Variants in SAMD12 observed in about 807,000 individuals in gnomAD.
SAMD12 encodes the protein sterile alpha motif domain containing 12, also known as sterile alpha motif domain-containing protein 12.
A neutral mutation model predicts 15.0 loss-of-function variants in SAMD12; 9 were observed. That is an observed-to-expected ratio of 0.60 (90% CI 0.36 to 1.05). SAMD12 has a LOEUF of 1.05. Ranked by LOEUF, SAMD12 falls within the 50% of genes least tolerant of loss-of-function variation. The pLI, the probability that SAMD12 is intolerant of heterozygous loss-of-function variation, is 0.01. For synonymous variants in SAMD12, 86 were observed against 90.1 expected (o/e 0.96, Z 0.25); for missense variants, 230 against 234.2 (o/e 0.98, Z 0.12).
chr8:118,558,877 T>G (rs570534677), intron 2 of SAMD12, among the ~76,000 whole-genome samples: 1 of 152,138 alleles, frequency 6.6e-6, no homozygotes, highest in Non-Finnish European at 1.5e-5. Context: ...TAAGACTTCA[T>G]GAAGAAGTGG....
At chr8:118,603,799 G>A (rs569524225) in intron 1 of SAMD12, among the ~76,000 whole-genome samples, 1 of 152,130 alleles carries the variant, frequency 6.6e-6, no homozygotes. Context: ...TTCTTTGGTG[G>A]GGGGAATTTC....
intron 1 of SAMD12, among the ~76,000 whole-genome samples, chr8:118,603,263 A>G (rs1827902782): frequency 6.6e-6 from 1 of 152,212 alleles, no homozygotes; most frequent in Non-Finnish European, 1.5e-5. Context: ...ATGCATTTCC[A>G]TTCAGTAACA....
downstream of SAMD12, among the ~76,000 whole-genome samples, chr8:118,373,931 G>T (rs1819242814): frequency 6.6e-6 from 1 of 152,000 alleles, no homozygotes; most frequent in South Asian, 2.1e-4. Flanking sequence ...GATTTCAAAA[G>T]CTTGCATTTT....
intron 2 of SAMD12, among the ~76,000 whole-genome samples, chr8:118,553,647 A>G (rs1478855234): frequency 3.3e-5 from 5 of 150,318 alleles, no homozygotes; most frequent in Non-Finnish European, 7.5e-5. Context: ...CTAAAACACC[A>G]AAAGCAATGG....
chr8:118,501,337 G>A (rs888271536), intron 2 of SAMD12, among the ~76,000 whole-genome samples: 1 of 152,070 alleles, frequency 6.6e-6, no homozygotes, highest in Admixed American at 6.6e-5. Context: ...CTTACCACAG[G>A]AAATAAGTCT....
the SAMD12 span, among the ~76,000 whole-genome samples, chr8:118,142,852 G>A: frequency 6.6e-6 from 1 of 152,176 alleles, no homozygotes; most frequent in Non-Finnish European, 1.5e-5. Flanking sequence ...ATGGCGGTGA[G>A]GAAGAAGAGT....
intron 4 of SAMD12, among the ~76,000 whole-genome samples, chr8:118,262,567 T>C (rs559113693): frequency 2.0e-5 from 3 of 152,204 alleles, no homozygotes; most frequent in South Asian, 2.1e-4. Context: ...CGAGCAATTC[T>C]TCAGTTAACA....
intron 3 of SAMD12, among the ~76,000 whole-genome samples, chr8:118,391,815 T>A (rs1563822153): frequency 6.6e-6 from 1 of 152,114 alleles, no homozygotes; most frequent in Non-Finnish European, 1.5e-5. Flanking sequence ...TTTGCCTTCA[T>A]GGAGCTTAAA....
intron 3 of SAMD12, among the ~76,000 whole-genome samples, chr8:118,435,102 C>T (rs1346785261): frequency 1.7e-5 from 2 of 120,216 alleles, no homozygotes; most frequent in African/African-American, 3.5e-5. Flanking sequence ...GACTCCATCT[C>T]AAAAAAAAAA....
chr8:118,335,792 A>C (rs1227367212), intron 4 of SAMD12, among the ~76,000 whole-genome samples: 1 of 152,146 alleles, frequency 6.6e-6, no homozygotes, highest in Non-Finnish European at 1.5e-5. Flanking sequence ...CCCAGGCTAG[A>C]GTGCAGTGGC....
At position 118,379,046 on chromosome 8, in the gene SAMD12, T is replaced by C; in HGVS notation, c.*371A>G. The C allele has an allele frequency of 3.9e-6, 4 of 1,035,248 alleles. No individual in the cohort carries two copies. Among genetic ancestry groups the C allele is most frequent in the Non-Finnish European group, 4.7e-6 (4 of 857,862 alleles). The allele number at this position is 1,035,248 out of a possible 1,614,324, so 64.1% of individuals were successfully genotyped here. On this transcript the variant is annotated 3_prime_UTR_variant, in exon 4 of 4. Transcript: ENST00000314727. The stretch of plus-strand genomic sequence containing the variant: ...ATACATTCATGTATAGTAATACATA[T>C]CTAAAATGTTTTTCTCCCACTAACC...
rs1486240476 is a variant in SAMD12, at chr8:118,379,297, A to G, written c.*120T>C. ...TCTGGGGTTGTGCAGTACACAATCC[A>G]TACAACTGTACGTGACCACCTTGAA... On this transcript the variant is annotated 3_prime_UTR_variant, in exon 4 of 4. Transcript: ENST00000314727. The G allele has an allele frequency of 1.2e-5, 18 of 1,471,448 alleles. No homozygotes were observed. Among genetic ancestry groups the G allele is most frequent in the Non-Finnish European group, 1.5e-5 (17 of 1,115,726 alleles). 91.1% of individuals were successfully genotyped at this position (1,471,448 alleles called of 1,614,324 possible). A position where few individuals can be genotyped will look rare whatever the true frequency, so the allele number is the denominator to read the frequency against.
At position 118,512,230 on chromosome 8, in the gene SAMD12, T is replaced by C. The variant is rs137889138; in HGVS notation, c.192+68485A>G. On this transcript the variant is annotated intron_variant, in intron 2 of 3. Transcript: ENST00000314727. ...CTTCCAGGAAAGAGACATTTTTCTA[T>C]TGAATTTGTGGCTGGGGACTGCCAT... Among the ~76,000 whole-genome samples the C allele has an allele frequency of 5.6e-3, 850 of 152,278 alleles. 7 individuals carry two copies. The highest frequency in any genetic ancestry group is 0.018 in the African/African-American group (765 of 41,542).
rs1484626911 is a variant in SAMD12 at position 118,522,149 on chromosome 8, T to C, written c.192+58566A>G. 1.0e-4 allele frequency among the ~76,000 whole-genome samples: 15 copies of C among 147,118 alleles called. No homozygotes were observed. The Admixed American group carries it at 1.0e-3, about 10-fold the overall frequency. ...AGTGGTGACAGTTAACAACTACTGA[T>C]TCAGTGAAACACACACACACACACA... is the stretch of plus-strand genomic sequence containing the variant. On this transcript the variant is annotated intron_variant, in intron 2 of 3. Transcript: ENST00000314727.
chr8:118,237,527 G>A (rs984264712), intron 4 of SAMD12, among the ~76,000 whole-genome samples: 2 of 152,058 alleles, frequency 1.3e-5, no homozygotes, highest in Admixed American at 1.3e-4. Context: ...TTCCCCAGCT[G>A]TAAGAAGAGA....
intron 4 of SAMD12, among the ~76,000 whole-genome samples, chr8:118,346,171 C>T (rs1280406753): frequency 1.3e-5 from 2 of 152,092 alleles, no homozygotes; most frequent in African/African-American, 2.4e-5. Flanking sequence ...AGTAAACAAA[C>T]TTTATAAAAC....
intron 2 of SAMD12, among the ~76,000 whole-genome samples, chr8:118,444,358 T>C (rs774972603): frequency 1.3e-5 from 2 of 152,182 alleles, no homozygotes; most frequent in African/African-American, 2.4e-5. Context: ...TTAACCCCTA[T>C]GCATAGTGAC....
intron 4 of SAMD12, among the ~76,000 whole-genome samples, chr8:118,248,636 T>C (rs1032904745): frequency 2.6e-5 from 4 of 151,908 alleles, no homozygotes; most frequent in African/African-American, 7.3e-5. Context: ...GATGACTTTT[T>C]TTTTTATACA....
intron 3 of SAMD12, among the ~76,000 whole-genome samples, chr8:118,391,047 G>A (rs1820247996): frequency 6.6e-6 from 1 of 151,852 alleles, no homozygotes; most frequent in African/African-American, 2.4e-5. Flanking sequence ...CTCCGAGAAG[G>A]AATACACAGC....
Sources: allele counts gnomAD v4.1 joint callset (sites outside exome capture counted in the v4.1 genomes callset), GRCh38; gene constraint gnomAD v4.1.1; transcripts MANE v1.5; gene names NCBI Gene and HGNC (gene_info 2026-07-23, HGNC 2026-07-21).